The following RTN1 variants were observed in gnomAD, a reference collection of about 807,000 sequenced individuals.
The protein encoded by RTN1 is reticulon 1.
A neutral mutation model predicts 65.5 loss-of-function variants in RTN1; 25 were observed. The ratio of observed to expected loss-of-function variants is 0.38; its 90% CI spans 0.28 to 0.53. The LOEUF (loss-of-function observed/expected upper bound fraction) is 0.53, where lower values mean the gene tolerates loss of function less well. Ranked by LOEUF, RTN1 falls within the 20% of genes least tolerant of loss-of-function variation. The pLI, the probability that RTN1 is intolerant of heterozygous loss-of-function variation, is 0.79. For missense variants in RTN1, 983 were observed against 1,025.4 expected (o/e 0.96, Z 0.57); for synonymous variants, 471 against 447.6 (o/e 1.05, Z -0.66).
intron 3 of RTN1, chr14:59,610,074 G>T (rs1390514871): frequency 3.9e-6 from 3 of 769,864 alleles, no homozygotes; most frequent in South Asian, 2.8e-5. Context: ...AGAGAAGATA[G>T]AATTTGCTAT....
chr14:59,722,021 T>C (rs1448851663), intron 3 of RTN1, among the ~76,000 whole-genome samples: 4 of 152,238 alleles, frequency 2.6e-5, no homozygotes, highest in Non-Finnish European at 4.4e-5. Context: ...ATATGTATCT[T>C]TCTAACTCTA....
At chr14:59,763,117 C>T (rs564307250) in intron 1 of RTN1, among the ~76,000 whole-genome samples, 1 of 152,278 alleles carries the variant, frequency 6.6e-6, no homozygotes, top group South Asian at 2.1e-4. Context: ...AAGGCAAACA[C>T]TTTGATTTAA....
chr14:59,719,857 G>A (rs1884611852), intron 3 of RTN1, among the ~76,000 whole-genome samples: 1 of 152,158 alleles, frequency 6.6e-6, no homozygotes, highest in Non-Finnish European at 1.5e-5. Context: ...ATCTATGTGA[G>A]GAACAGAGGA....
intron 1 of RTN1, among the ~76,000 whole-genome samples, chr14:59,786,286 T>C (rs543014380): frequency 6.6e-6 from 1 of 152,170 alleles, no homozygotes; most frequent in African/African-American, 2.4e-5. Flanking sequence ...CTATTTACTA[T>C]TACGTGAGTT....
chr14:59,647,012 A>G (rs912029687), intron 3 of RTN1: 2 of 154,052 alleles, frequency 1.3e-5, no homozygotes, highest in Admixed American at 1.3e-4. Flanking sequence ...TATAGTAACA[A>G]GCTGGATAAA....
intron 2 of RTN1, among the ~76,000 whole-genome samples, chr14:59,733,446 T>G (rs1884943200): frequency 6.6e-6 from 1 of 152,006 alleles, no homozygotes; most frequent in Non-Finnish European, 1.5e-5. Context: ...AGGCGAGGCC[T>G]CCCAGCTGGC....
In RTN1 at chr14:59,803,908, C is replaced by G. The variant is rs1886590963; in HGVS notation, c.242-57427G>C. On this transcript the variant is annotated intron_variant, in intron 1 of 8. Transcript: ENST00000267484. The surrounding 1 kb of genome is among the most constrained non-coding windows in gnomAD (Gnocchi z 5.6). ...TATGTTTACACTTTTAATTTTAGAA[C>G]AGGTTTGGTTTACATAAAAGTTGTG... 6.6e-6 allele frequency among the ~76,000 whole-genome samples: 1 copy of G among 152,112 alleles called. No individual in the cohort carries two copies. The highest frequency in any genetic ancestry group is 2.4e-5 in the African/African-American group (1 of 41,416).
At chr14:59,667,887 A>G (rs186413892) in intron 3 of RTN1, among the ~76,000 whole-genome samples, 109 of 152,318 alleles carry the variant, frequency 7.2e-4, no homozygotes, top group African/African-American at 2.6e-3. Context: ...CTAGGAATCC[A>G]GCTTACAAGG....
intron 1 of RTN1, among the ~76,000 whole-genome samples, chr14:59,749,876 T>C (rs1885402152): frequency 8.7e-6 from 1 of 114,710 alleles, no homozygotes; most frequent in Non-Finnish European, 1.7e-5. Context: ...TTTATATATC[T>C]ATATATATAC....
chr14:59,615,007 G>T (rs1882063616), intron 3 of RTN1, among the ~76,000 whole-genome samples: 1 of 152,194 alleles, frequency 6.6e-6, no homozygotes, highest in South Asian at 2.1e-4. Flanking sequence ...AGTTCTGAGG[G>T]TTTTAAAAAT....
intron 1 of RTN1, among the ~76,000 whole-genome samples, chr14:59,747,800 A>G (rs1237877697): frequency 1.3e-5 from 2 of 152,140 alleles, no homozygotes; most frequent in Admixed American, 1.3e-4. Context: ...CTACATCTAC[A>G]TACAAACACA....
intron 3 of RTN1, among the ~76,000 whole-genome samples, chr14:59,678,494 C>T (rs1257293641): frequency 6.6e-6 from 1 of 152,194 alleles, no homozygotes; most frequent in African/African-American, 2.4e-5. Context: ...GGCCAGCGCA[C>T]TCAGATTGCA....
rs1566712950 is a variant in RTN1 at position 59,750,032 on chromosome 14, TAC to T, written c.242-3553_242-3552del. Among the ~76,000 whole-genome samples, 220 of 73,470 alleles carry T rather than the reference TAC, an allele frequency of 3.0e-3. 4 individuals carry two copies. Among genetic ancestry groups the T allele is most frequent in the African/African-American group, 0.016 (215 of 13,666 alleles). 48.2% of individuals were successfully genotyped at this position (73,470 alleles called of 152,430 possible). On this transcript the variant is annotated intron_variant, in intron 1 of 8. Coordinates refer to ENST00000267484, the MANE Select transcript of RTN1 (RefSeq NM_021136.3). Reference sequence around the variant, plus strand: ...CATATATATTATATATTATATTATATACATATATTATATATTATATTATATAC... The same window carrying T: ...CATATATATTATATATTATATTATATATATATTATATATTATATTATATAC...
chr14:59,790,115 A>G lies in RTN1; in HGVS notation c.242-43634T>C, dbSNP rs553134403. ...AATAGATAGGAGAAGATAGGCATGA[A>G]GAAAACCTGAAATAATGACTTAGAA... On this transcript the variant is annotated intron_variant, in intron 1 of 8. Coordinates refer to ENST00000267484, the MANE Select transcript of RTN1 (RefSeq NM_021136.3). The surrounding 1 kb of genome is among the most constrained non-coding windows in gnomAD (Gnocchi z 4.1). Among the ~76,000 whole-genome samples the G allele has an allele frequency of 1.6e-4, 25 of 152,200 alleles. No homozygotes were observed. The highest frequency in any genetic ancestry group is 3.1e-4 in the Non-Finnish European group (21 of 68,016).
At chr14:59,857,203 T>C (rs961652721) in intron 1 of RTN1, among the ~76,000 whole-genome samples, 2 of 152,198 alleles carry the variant, frequency 1.3e-5, no homozygotes, top group Non-Finnish European at 2.9e-5. Context: ...AGCTTTAAGC[T>C]TTTTTAATGA....
At chr14:59,656,338 G>A (rs1883122888) in intron 3 of RTN1, among the ~76,000 whole-genome samples, 1 of 152,132 alleles carries the variant, frequency 6.6e-6, no homozygotes, top group Admixed American at 6.5e-5. Flanking sequence ...TTTTAAAAGG[G>A]TATGTTTTAT....
chr14:59,858,219 G>C (rs1162475099), intron 1 of RTN1, among the ~76,000 whole-genome samples: 1 of 152,158 alleles, frequency 6.6e-6, no homozygotes, highest in Admixed American at 6.5e-5. Flanking sequence ...GAGCAGGAAA[G>C]CCAATAAATC....
chr14:59,715,433 T>C (rs1263618971), intron 3 of RTN1, among the ~76,000 whole-genome samples: 1 of 152,110 alleles, frequency 6.6e-6, no homozygotes, highest in Non-Finnish European at 1.5e-5. Context: ...AAAGCCAAGA[T>C]TTTTGGCTTT....
At chr14:59,683,584 C>T (rs1167275008) in intron 3 of RTN1, among the ~76,000 whole-genome samples, 1 of 151,980 alleles carries the variant, frequency 6.6e-6, no homozygotes, top group African/African-American at 2.4e-5. Flanking sequence ...CTTCTGAAAA[C>T]TTTCTTTGTT....
Sources: gnomAD v4.1 joint callset for allele counts (sites outside exome capture counted in the v4.1 genomes callset) on GRCh38, gnomAD v4.1.1 for gene constraint, Gnocchi (gnomAD v3.1) non-coding constraint, MANE v1.5 for transcripts, NCBI Gene and HGNC (gene_info 2026-07-23, HGNC 2026-07-21) for gene names.